The following LIMD1 variants were observed in gnomAD, a reference collection of about 807,000 sequenced individuals.
LIMD1 encodes the protein LIM domain containing 1, also known as LIM domain-containing protein 1.
LIMD1 carries 23 observed loss-of-function variants against 58.4 expected under a neutral mutation model. The observed-to-expected ratio is 0.39, with a 90% CI of 0.28 to 0.56. LIMD1 has a LOEUF of 0.56. LIMD1 is among the 20% of genes least tolerant of loss of function. The pLI is 0.57. For synonymous variants in LIMD1, 334 were observed against 345.5 expected, an observed-to-expected ratio of 0.97 and a Z score of 0.37; for missense variants, 838 against 855.5, an observed-to-expected ratio of 0.98 and a Z score of 0.25.
In LIMD1 at chr3:45,594,800, C is replaced by CACACACACACACGGCACCTGG; in HGVS notation, c.-68_-67insGGCACCTGGACACACACACAC. 6.5e-6 allele frequency: 1 copy of CACACACACACACGGCACCTGG among 154,276 alleles called. No individual in the cohort carries two copies. Among genetic ancestry groups the CACACACACACACGGCACCTGG allele is most frequent in the African/African-American group, 4.0e-5 (1 of 25,200 alleles). 9.6% of individuals were successfully genotyped at this position (154,276 alleles called of 1,614,324 possible). ...CTCAACACACACACACACACACACA[C>CACACACACACACGGCACCTGG]ACACACACACACACACACACACACA... On this transcript the variant is annotated 5_prime_UTR_variant, in exon 1 of 8. Transcript: ENST00000273317.
chr3:45,638,274 CTTTA>C (rs147894728), intron 2 of LIMD1, among the ~76,000 whole-genome samples: 4,648 of 152,194 alleles, frequency 0.031, 81 homozygotes, highest in Non-Finnish European at 0.041. Flanking sequence ...TTAGGCCCCC[CTTTA>C]TTTATTTATT....
chr3:45,649,755 T>C (rs1481593196), intron 2 of LIMD1, among the ~76,000 whole-genome samples: 1 of 146,030 alleles, frequency 6.8e-6, no homozygotes, highest in African/African-American at 2.5e-5. Context: ...TATAATTATA[T>C]ATTTTATATA....
chr3:45,673,042 AAAC>A (rs1429665365), intron 5 of LIMD1, among the ~76,000 whole-genome samples: 11 of 152,082 alleles, frequency 7.2e-5, no homozygotes, highest in African/African-American at 2.7e-4. Flanking sequence ...GAAAAAAAAA[AAAC>A]AACAGAGCAC....
chr3:45,649,848 G>GTTTTTTTTTTTTTTTTTATTTTTTTTTT (rs367547670), intron 2 of LIMD1, among the ~76,000 whole-genome samples: 1 of 97,340 alleles, frequency 1.0e-5, no homozygotes, highest in Non-Finnish European at 2.1e-5. Flanking sequence ...AAGTTTTTTT[G>GTTTTTTTTTTTTTTTTTATTTTTTTTTT]TTTTTTTTTT....
Position 45,595,518 on chromosome 3 carries a change from G to T in LIMD1, c.639G>T (p.Gly213=). 1 of 1,613,980 alleles carries T rather than the reference G, an allele frequency of 6.2e-7. No individual in the cohort carries two copies. The highest frequency in any genetic ancestry group is 1.3e-5 in the African/African-American group (1 of 75,004). The change falls in exon 1 of 8, where the codon GGG becomes GGT. Residue 213 remains glycine, a synonymous_variant. Coordinates refer to ENST00000273317, the MANE Select transcript of LIMD1 (RefSeq NM_014240.3). Reference sequence around the variant, plus strand: ...GGAGTGGGTGGCCTAGCTCCCCGGGGAGTGACCCACCACTGCCCAAACCCT... The same window carrying T: ...GGAGTGGGTGGCCTAGCTCCCCGGGTAGTGACCCACCACTGCCCAAACCCT... The part of the protein sequence containing the change: ...SVGSGWPSSP[G]SDPPLPKPCG...
At chr3:45,636,795 G>GGTGCCTACCTAGCACACAAAAAT (rs1701793378) in intron 2 of LIMD1, among the ~76,000 whole-genome samples, 1 of 152,076 alleles carries the variant, frequency 6.6e-6, no homozygotes, top group Non-Finnish European at 1.5e-5. Context: ...CACACCTGTG[G>GGTGCCTACCTAGCACACAAAAAT]GCATCTTTGT....
At chr3:45,675,852 C>G (rs892018680) in intron 7 of LIMD1, among the ~76,000 whole-genome samples, 2 of 152,064 alleles carry the variant, frequency 1.3e-5, no homozygotes, top group Non-Finnish European at 2.9e-5. Context: ...ACTAAAAATA[C>G]AAAAATTAGC....
intron 2 of LIMD1, among the ~76,000 whole-genome samples, chr3:45,655,359 A>C (rs1702018189): frequency 6.6e-6 from 1 of 152,224 alleles, no homozygotes; most frequent in African/African-American, 2.4e-5. Flanking sequence ...AGTGGAGGGA[A>C]TTCCTTTACT....
chr3:45,610,196 A>G (rs1701510111), intron 1 of LIMD1, among the ~76,000 whole-genome samples: 1 of 152,116 alleles, frequency 6.6e-6, no homozygotes, highest in South Asian at 2.1e-4. Flanking sequence ...GAAAAAAAAG[A>G]CTTCTCGAAT....
At chr3:45,604,738 TCTG>T (rs1370309348) in intron 1 of LIMD1, among the ~76,000 whole-genome samples, 5 of 152,180 alleles carry the variant, frequency 3.3e-5, no homozygotes, top group African/African-American at 1.2e-4. Flanking sequence ...AGCAGGCTGA[TCTG>T]CTGGGAGCTG....
Position 45,636,157 on chromosome 3 carries a change from T to C in LIMD1, c.1416T>C (p.Cys472=). 6.2e-7 allele frequency: 1 copy of C among 1,612,526 alleles called. No homozygotes were observed. Among genetic ancestry groups the C allele is most frequent in the Non-Finnish European group, 8.5e-7 (1 of 1,179,122 alleles). The change falls in exon 2 of 8, where the codon TGT becomes TGC. Residue 472 remains cysteine (C), a synonymous_variant. Transcript: ENST00000273317. The part of the protein sequence containing the change: ...AHPKADYFGA[C]VKCSKGVFGA... Reference sequence around the variant, plus strand: ...TTTCTCTTGTCCTGCAAGGAGCCTGTGTGAAATGCAGCAAAGGGGTGTTTG... The same window carrying C: ...TTTCTCTTGTCCTGCAAGGAGCCTGCGTGAAATGCAGCAAAGGGGTGTTTG...
intron 1 of LIMD1, among the ~76,000 whole-genome samples, chr3:45,614,103 A>G (rs570289976): frequency 5.3e-5 from 8 of 152,224 alleles, no homozygotes; most frequent in African/African-American, 1.7e-4. Flanking sequence ...TCTTCACAAG[A>G]TATTTTATTC....
At chr3:45,623,797 CTG>C (rs1005335474) in intron 1 of LIMD1, among the ~76,000 whole-genome samples, 6 of 152,156 alleles carry the variant, frequency 3.9e-5, no homozygotes, top group Non-Finnish European at 8.8e-5. Flanking sequence ...GTTCTCGTCC[CTG>C]GCTGTGCACT....
At chr3:45,650,375 T>C (rs1701955391) in intron 2 of LIMD1, among the ~76,000 whole-genome samples, 1 of 152,162 alleles carries the variant, frequency 6.6e-6, no homozygotes. Flanking sequence ...CTGGGGTACA[T>C]GTGCACAATG....
At position 45,684,440 on chromosome 3, in the gene LIMD1, T is replaced by C. The variant is rs1697784016; in HGVS notation, c.*7381T>C. 6.6e-6 allele frequency: 1 copy of C among 152,186 alleles called. No homozygotes were observed. Among genetic ancestry groups the C allele is most frequent in the African/African-American group, 2.4e-5 (1 of 41,440 alleles). 9.4% of individuals were successfully genotyped at this position (152,186 alleles called of 1,614,324 possible). ...CGGCTCCGTTGTTTGGGGAAATACC[T>C]GAGGTTTGTTGTTTCGTGCCAAGAA... On this transcript the variant is annotated 3_prime_UTR_variant, in exon 8 of 8. Coordinates refer to ENST00000273317, the MANE Select transcript of LIMD1 (RefSeq NM_014240.3).
chr3:45,656,603 G>C (rs948353318), intron 2 of LIMD1, among the ~76,000 whole-genome samples: 14 of 151,504 alleles, frequency 9.2e-5, no homozygotes, highest in African/African-American at 2.9e-4. Context: ...CTGCAACCTC[G>C]GCCTCCCGGG....
chr3:45,668,503 C>T, intron 4 of LIMD1, 147 bp downstream of exon 4: 1 of 596,926 alleles, frequency 1.7e-6, no homozygotes, highest in Non-Finnish European at 2.9e-6. Flanking sequence ...GTAATCCCAG[C>T]ACTTTGGGAG....
intron 4 of LIMD1, 123 bp from the exon 5 acceptor site, chr3:45,672,567 C>A: frequency 9.0e-7 from 1 of 1,116,424 alleles, no homozygotes; most frequent in Non-Finnish European, 1.3e-6. Context: ...CTAGGTGAAA[C>A]TCGGGGGTAA....
rs1312652217 is a variant in LIMD1, at chr3:45,595,072, C to CT, written c.194dup (p.Gln66AlafsTer10). The CT allele has an allele frequency of 6.2e-7, 1 of 1,613,524 alleles. No individual in the cohort carries two copies. The highest frequency in any genetic ancestry group is 8.5e-7 in the Non-Finnish European group (1 of 1,179,994). On this transcript the variant is annotated frameshift_variant, in exon 1 of 8. Transcript: ENST00000273317. LOFTEE classifies it high-confidence loss of function. ...CCTCCAGCAGCAGCAGCAGCAGCTCCTGCAGGAGGAGACTCTGCCCAGGGG... is the reference window on the plus strand; with the variant it reads ...CCTCCAGCAGCAGCAGCAGCAGCTCCTTGCAGGAGGAGACTCTGCCCAGGGG...
Sources: allele counts gnomAD v4.1 joint callset (sites outside exome capture counted in the v4.1 genomes callset), GRCh38; gene constraint gnomAD v4.1.1; transcripts MANE v1.5; gene names NCBI Gene and HGNC (gene_info 2026-07-23, HGNC 2026-07-21).